Variants in SMARCA1 observed in about 807,000 individuals in gnomAD.
The protein encoded by SMARCA1 is SNF2 related chromatin remodeling ATPase 1.
A neutral mutation model predicts 93.6 loss-of-function variants in SMARCA1; 17 were observed. The ratio of observed to expected loss-of-function variants is 0.18; its 90% CI spans 0.12 to 0.27. The LOEUF (loss-of-function observed/expected upper bound fraction) is 0.27, where lower values mean the gene tolerates loss of function less well. SMARCA1 is among the 10% of genes least tolerant of loss of function. The probability of loss-of-function intolerance (pLI) is 1.00; values close to 1 mark genes in which losing one functional copy is unlikely to be tolerated. For synonymous variants in SMARCA1, 271 were observed against 271.4 expected (o/e 1.00, Z 0.01); for missense variants, 630 against 819.0 (o/e 0.77, Z 2.82).
chrX:129,471,173 G>C (rs747861780), intron 20 of SMARCA1, 31 bp downstream of exon 20: 8 of 1,132,336 alleles, frequency 7.1e-6, no homozygotes, highest in Admixed American at 5.2e-5. Flanking sequence ...TTGATTGACT[G>C]TAAGTATTAC....
chrX:129,477,383 T>A (rs1933434453), intron 19 of SMARCA1, among the ~76,000 whole-genome samples: 1 of 110,893 alleles, frequency 9.0e-6, no homozygotes, highest in African/African-American at 3.3e-5. Flanking sequence ...TAAAACCCCA[T>A]CTCTACTAAA....
chrX:129,501,612 G>C (rs184346571), intron 9 of SMARCA1, among the ~76,000 whole-genome samples: 126 of 105,452 alleles, frequency 1.2e-3, no homozygotes, highest in Non-Finnish European at 2.2e-3. Flanking sequence ...ACTTTTTTTG[G>C]GGGGGGAGGT....
At chrX:129,482,655 T>C (rs1346775142) in intron 17 of SMARCA1, among the ~76,000 whole-genome samples, 1 of 112,363 alleles carries the variant, frequency 8.9e-6, no homozygotes, top group East Asian at 2.8e-4. Context: ...CAAGATATTA[T>C]TAAACATCCA....
At chrX:129,523,149 G>T (rs772562989) in intron 1 of SMARCA1, 48 bp downstream of exon 1, 2 of 1,182,063 alleles carry the variant, frequency 1.7e-6, no homozygotes, top group Non-Finnish European at 2.3e-6. Flanking sequence ...CCTCAGAGGG[G>T]CCAGGCACAG....
At chrX:129,496,672 C>A in intron 12 of SMARCA1, 78 bp downstream of exon 12, 1 of 987,647 alleles carries the variant, frequency 1.0e-6, no homozygotes, top group South Asian at 2.5e-5. Flanking sequence ...GGCAAAAGTT[C>A]AAAACTACCT....
At chrX:129,448,996 G>A (rs1321790106) in intron 23 of SMARCA1, among the ~76,000 whole-genome samples, 2 of 109,535 alleles carry the variant, frequency 1.8e-5, no homozygotes, top group Non-Finnish European at 3.8e-5. Context: ...ACACACGAGC[G>A]CATGTATAAC....
chrX:129,509,809 C>T (rs1362677312), intron 6 of SMARCA1, among the ~76,000 whole-genome samples: 4 of 111,537 alleles, frequency 3.6e-5, no homozygotes, highest in Admixed American at 9.5e-5. Context: ...ATACCTCTGG[C>T]GTGGAAAAGG....
chrX:129,483,391 C>G (rs1386172029), intron 17 of SMARCA1, among the ~76,000 whole-genome samples: 1 of 83,998 alleles, frequency 1.2e-5, no homozygotes, highest in Non-Finnish European at 2.1e-5. Context: ...AAATGACCTT[C>G]TAACTCTAAG....
chrX:129,463,564 T>C (rs1489186720), intron 23 of SMARCA1, among the ~76,000 whole-genome samples: 1 of 112,363 alleles, frequency 8.9e-6, no homozygotes, highest in African/African-American at 3.2e-5. Flanking sequence ...TTTTCTTAAT[T>C]CTTCCTACTG....
chrX:129,496,613 G>A, intron 12 of SMARCA1, 137 bp downstream of exon 12: 1 of 483,630 alleles, frequency 2.1e-6, no homozygotes, highest in South Asian at 3.7e-5. Flanking sequence ...GAAGATTGAA[G>A]AGAGAAAGAG....
intron 19 of SMARCA1, among the ~76,000 whole-genome samples, chrX:129,479,605 G>A (rs1399789279): frequency 9.1e-6 from 1 of 110,369 alleles, no homozygotes; most frequent in East Asian, 2.8e-4. Flanking sequence ...TTAAAACACA[G>A]CTGTTAATTC....
intron 8 of SMARCA1, among the ~76,000 whole-genome samples, chrX:129,505,753 T>C (rs1342770100): frequency 9.0e-6 from 1 of 111,253 alleles, no homozygotes; most frequent in Non-Finnish European, 1.9e-5. Context: ...AACTAGTATA[T>C]AAAAATATGT....
intron 19 of SMARCA1, among the ~76,000 whole-genome samples, chrX:129,476,510 C>G (rs1933390148): frequency 1.8e-5 from 2 of 111,912 alleles, no homozygotes; most frequent in South Asian, 7.5e-4. Context: ...CAAATCACAA[C>G]AGAATAAGCC....
chrX:129,488,567 C>T (rs1166477021), intron 16 of SMARCA1, among the ~76,000 whole-genome samples: 4 of 101,947 alleles, frequency 3.9e-5, no homozygotes, highest in African/African-American at 1.5e-4. Context: ...ATCATTGCAC[C>T]ACTGCACTCC....
At chrX:129,488,436 C>CA (rs1933986652) in intron 16 of SMARCA1, among the ~76,000 whole-genome samples, 1 of 107,842 alleles carries the variant, frequency 9.3e-6, no homozygotes, top group Admixed American at 1.0e-4. Context: ...CAGCAAGGCC[C>CA]TGTCTCTAAA....
intron 5 of SMARCA1, among the ~76,000 whole-genome samples, chrX:129,514,891 T>C (rs1345646903): frequency 9.1e-6 from 1 of 109,606 alleles, no homozygotes; most frequent in Non-Finnish European, 1.9e-5. Context: ...CTACTAAAAA[T>C]ACAAAAAAAT....
At chrX:129,508,413 T>C (rs1322537641) in intron 6 of SMARCA1, among the ~76,000 whole-genome samples, 3 of 112,432 alleles carry the variant, frequency 2.7e-5, no homozygotes, top group Non-Finnish European at 5.6e-5. Context: ...CTTCATATCA[T>C]GGGGCATCCA....
In SMARCA1 at chrX:129,485,110, A is replaced by G. The variant is rs150982577; in HGVS notation, c.2217+1908T>C. Among the ~76,000 whole-genome samples the G allele has an allele frequency of 7.1e-5, 8 of 112,176 alleles. No individual in the cohort carries two copies. In the East Asian group the frequency reaches 2.3e-3, roughly 32 times the overall value. On this transcript the variant is annotated intron_variant, in intron 17 of 24. Coordinates refer to ENST00000371121, the MANE Select transcript of SMARCA1 (RefSeq NM_001282874.2). ...GCAGGGACCCTAGAATTACAGAGCC[A>G]CCAGCATCAAGCAACTCCTATCTGG...
intron 23 of SMARCA1, among the ~76,000 whole-genome samples, chrX:129,453,750 C>A (rs1698166766): frequency 9.0e-6 from 1 of 111,507 alleles, no homozygotes; most frequent in South Asian, 3.8e-4. Flanking sequence ...TGAAGGACCT[C>A]TTCAAGAAGA....
Sources: gnomAD v4.1 joint callset for allele counts (sites outside exome capture counted in the v4.1 genomes callset) on GRCh38, gnomAD v4.1.1 for gene constraint, MANE v1.5 for transcripts, NCBI Gene and HGNC (gene_info 2026-07-23, HGNC 2026-07-21) for gene names.